Variants in LPAR1 observed in about 807,000 individuals in gnomAD.
LPAR1 encodes the protein LPA receptor 1.
A neutral mutation model predicts 23.8 loss-of-function variants in LPAR1; 5 were observed. The observed-to-expected ratio is 0.21, with a 90% CI of 0.11 to 0.44. LPAR1 has a LOEUF of 0.44. Ranked by LOEUF, LPAR1 falls within the 20% of genes least tolerant of loss-of-function variation. The pLI is 0.99. For missense variants in LPAR1, 311 were observed against 482.8 expected, an observed-to-expected ratio of 0.64 and a Z score of 3.33; for synonymous variants, 160 against 164.7, an observed-to-expected ratio of 0.97 and a Z score of 0.22.
chr9:111,000,877 A>G (rs1280193639), intron 2 of LPAR1, among the ~76,000 whole-genome samples: 2 of 152,162 alleles, frequency 1.3e-5, no homozygotes, highest in Non-Finnish European at 2.9e-5. Context: ...CAGTCTCCAG[A>G]GAGGTCGGTC....
At chr9:110,943,144 T>C (rs138144446) in intron 4 of LPAR1, among the ~76,000 whole-genome samples, 350 of 148,252 alleles carry the variant, frequency 2.4e-3, no homozygotes, top group African/African-American at 8.2e-3. Flanking sequence ...TATAATAATA[T>C]ATTTAAACAA....
chr9:110,907,237 A>G (rs2091477034), intron 5 of LPAR1, among the ~76,000 whole-genome samples: 1 of 152,174 alleles, frequency 6.6e-6, no homozygotes, highest in Admixed American at 6.6e-5. Context: ...CAAGAGAGGA[A>G]CAGAGAGAAA....
At chr9:110,971,625 T>C (rs2096422297) in intron 4 of LPAR1, among the ~76,000 whole-genome samples, 1 of 152,112 alleles carries the variant, frequency 6.6e-6, no homozygotes, top group Admixed American at 6.5e-5. Flanking sequence ...CTAGAACAGA[T>C]CAAGGCAAAA....
At chr9:110,907,374 C>T (rs2134163879) in intron 5 of LPAR1, among the ~76,000 whole-genome samples, 1 of 152,200 alleles carries the variant, frequency 6.6e-6, no homozygotes, top group Admixed American at 6.5e-5. Context: ...CGTTCTTGGT[C>T]TTTAATGGAA....
At chr9:110,917,960 T>A (rs1340232229) in intron 5 of LPAR1, among the ~76,000 whole-genome samples, 1 of 152,180 alleles carries the variant, frequency 6.6e-6, no homozygotes, top group Non-Finnish European at 1.5e-5. Context: ...TGTAGTACAG[T>A]GGCACGATCA....
At chr9:111,013,640 T>C (rs1244280759) in intron 2 of LPAR1, among the ~76,000 whole-genome samples, 1 of 152,118 alleles carries the variant, frequency 6.6e-6, no homozygotes, top group Non-Finnish European at 1.5e-5. Flanking sequence ...ATGGGATTGT[T>C]AGATGGCATT....
intron 4 of LPAR1, among the ~76,000 whole-genome samples, chr9:110,945,625 C>A (rs1346186306): frequency 6.6e-6 from 1 of 152,118 alleles, no homozygotes; most frequent in East Asian, 1.9e-4. Context: ...CATAAATATA[C>A]AAATTTATTC....
intron 4 of LPAR1, among the ~76,000 whole-genome samples, chr9:110,958,119 G>A (rs569475447): frequency 1.2e-4 from 19 of 152,240 alleles, no homozygotes; most frequent in African/African-American, 2.9e-4. Context: ...CTTATAGATC[G>A]AACGAATTAA....
intron 2 of LPAR1, among the ~76,000 whole-genome samples, chr9:111,007,050 T>G (rs1387777226): frequency 6.6e-6 from 1 of 151,994 alleles, no homozygotes; most frequent in Non-Finnish European, 1.5e-5. Context: ...TCACTCCTTC[T>G]CTCCCTTTCT....
rs1016991818 is a variant in LPAR1, at chr9:110,889,382, A to G, written c.794-13660T>C. Among the ~76,000 whole-genome samples the G allele has an allele frequency of 4.6e-5, 7 of 152,218 alleles. No homozygotes were observed. In the South Asian group the frequency reaches 1.0e-3, roughly 23 times the overall value. On this transcript the variant is annotated intron_variant, in intron 5 of 5. Transcript: ENST00000683809. ...CAAAAAATAAAAAAATAAATAAAGA[A>G]AGAAAAAACCACATTAAGTTGGTGA...
At chr9:110,895,448 G>C (rs2085987375) in intron 5 of LPAR1, among the ~76,000 whole-genome samples, 1 of 152,238 alleles carries the variant, frequency 6.6e-6, no homozygotes, top group Non-Finnish European at 1.5e-5. Context: ...GGGCCCCCTA[G>C]TCAGGGCCTA....
chr9:111,016,723 T>A (rs1165638412), intron 2 of LPAR1, among the ~76,000 whole-genome samples: 1 of 152,216 alleles, frequency 6.6e-6, no homozygotes, highest in Non-Finnish European at 1.5e-5. Context: ...TGAAGTAATA[T>A]TCATAGGAAA....
intron 5 of LPAR1, among the ~76,000 whole-genome samples, chr9:110,935,605 A>G (rs768316720): frequency 1.8e-4 from 27 of 152,194 alleles, no homozygotes; most frequent in Non-Finnish European, 3.2e-4. Flanking sequence ...CCTAGGCAAC[A>G]TGGTGAAACC....
intron 5 of LPAR1, among the ~76,000 whole-genome samples, chr9:110,919,563 G>C (rs1428384674): frequency 6.6e-6 from 1 of 152,146 alleles, no homozygotes; most frequent in African/African-American, 2.4e-5. Context: ...TAAAGACAGA[G>C]ACAATTTGCA....
chr9:111,009,619 A>G (rs542837130), intron 2 of LPAR1, among the ~76,000 whole-genome samples: 14 of 152,138 alleles, frequency 9.2e-5, no homozygotes, highest in Middle Eastern at 3.4e-3. Context: ...TATATTTTCC[A>G]GGGGTTCTGA....
intron 5 of LPAR1, among the ~76,000 whole-genome samples, chr9:110,917,679 G>C (rs1257837648): frequency 6.6e-6 from 1 of 152,132 alleles, no homozygotes; most frequent in Non-Finnish European, 1.5e-5. Flanking sequence ...AATGAGAAAT[G>C]TCTCTTTGGA....
At position 110,934,821 on chromosome 9, in the gene LPAR1, AACACACAC is replaced by A. The variant is rs34585506; in HGVS notation, c.793+6592_793+6599del. ...GTGAATATAACTGAACACACACACA[AACACACAC>A]ACACACACACACACAGAGAGTGAGA... On this transcript the variant is annotated intron_variant, in intron 5 of 5. Coordinates refer to ENST00000683809, the MANE Select transcript of LPAR1 (RefSeq NM_001351411.2). Among the ~76,000 whole-genome samples the A allele has an allele frequency of 4.2e-3, 625 of 149,138 alleles. 5 individuals carry two copies. The highest frequency in any genetic ancestry group is 0.014 in the African/African-American group (575 of 40,538).
intron 4 of LPAR1, among the ~76,000 whole-genome samples, chr9:110,950,235 G>A (rs2095526228): frequency 6.6e-6 from 1 of 151,932 alleles, no homozygotes; most frequent in Admixed American, 6.6e-5. Context: ...TGAGGCAGGT[G>A]GCTCACTTGA....
At chr9:111,028,352 G>A (rs2097735668) in intron 2 of LPAR1, among the ~76,000 whole-genome samples, 3 of 152,060 alleles carry the variant, frequency 2.0e-5, no homozygotes, top group Admixed American at 2.0e-4. Context: ...CAAAGTGATG[G>A]GATTTCCAGC....
Sources: allele counts gnomAD v4.1 joint callset (sites outside exome capture counted in the v4.1 genomes callset), GRCh38; gene constraint gnomAD v4.1.1; transcripts MANE v1.5; gene names NCBI Gene and HGNC (gene_info 2026-07-23, HGNC 2026-07-21).